Variants in MACROD2 observed in about 807,000 individuals in gnomAD.
MACROD2 encodes mono-ADP ribosylhydrolase 2, also known as ADP-ribose glycohydrolase MACROD2.
Under a neutral mutation model 70.4 loss-of-function variants are expected in MACROD2, and 36 were observed. The ratio of observed to expected loss-of-function variants is 0.51; its 90% CI spans 0.39 to 0.68. The LOEUF (loss-of-function observed/expected upper bound fraction) is 0.68, where lower values mean the gene tolerates loss of function less well. MACROD2 is among the 30% of genes least tolerant of loss of function. MACROD2 has a pLI of 0.00. For synonymous variants in MACROD2, 172 were observed against 178.8 expected (o/e 0.96, Z 0.30); for missense variants, 496 against 538.4 (o/e 0.92, Z 0.78).
At chr20:14,953,443 A>G (rs2074491496) in intron 5 of MACROD2, among the ~76,000 whole-genome samples, 1 of 151,968 alleles carries the variant, frequency 6.6e-6, no homozygotes, top group South Asian at 2.1e-4. Context: ...AGTAGCTGGG[A>G]CTACAGGCGC....
chr20:15,074,669 C>T (rs1184199730), intron 5 of MACROD2, among the ~76,000 whole-genome samples: 1 of 152,152 alleles, frequency 6.6e-6, no homozygotes, highest in African/African-American at 2.4e-5. Flanking sequence ...TTAGAGGACA[C>T]ATAGCTGGTA....
intron 4 of MACROD2, among the ~76,000 whole-genome samples, chr20:14,642,390 G>GC (rs1363336076): frequency 1.3e-5 from 2 of 152,152 alleles, no homozygotes; most frequent in Non-Finnish European, 2.9e-5. Context: ...CACTGGAGTA[G>GC]CACTTATAAT....
At chr20:15,066,711 C>A (rs2075578409) in intron 5 of MACROD2, among the ~76,000 whole-genome samples, 1 of 151,766 alleles carries the variant, frequency 6.6e-6, no homozygotes, top group Admixed American at 6.6e-5. Context: ...GAAACCCCAT[C>A]TCTACTAAAA....
intron 5 of MACROD2, among the ~76,000 whole-genome samples, chr20:14,924,882 G>A (rs890462686): frequency 1.3e-5 from 2 of 152,014 alleles, no homozygotes; most frequent in Non-Finnish European, 2.9e-5. Context: ...GAAAGGGAAG[G>A]TACAAATCTA....
At chr20:15,281,040 G>A (rs1568689496) in intron 6 of MACROD2, among the ~76,000 whole-genome samples, 1 of 152,356 alleles carries the variant, frequency 6.6e-6, no homozygotes, top group South Asian at 2.1e-4. Flanking sequence ...AGGGTGGCAG[G>A]ACAGAGTGAG....
At chr20:14,947,495 G>C (rs2074442096) in intron 5 of MACROD2, among the ~76,000 whole-genome samples, 1 of 152,166 alleles carries the variant, frequency 6.6e-6, no homozygotes, top group Admixed American at 6.5e-5. Context: ...TTAGCAAGAT[G>C]ATTGGTTCAT....
intron 8 of MACROD2, among the ~76,000 whole-genome samples, chr20:15,724,484 G>T (rs201467169): frequency 1.3e-5 from 2 of 148,638 alleles, no homozygotes; most frequent in African/African-American, 2.5e-5. Flanking sequence ...CATTTTTTTT[G>T]TTTTTTTGTT....
intron 3 of MACROD2, among the ~76,000 whole-genome samples, chr20:14,384,651 G>A (rs936043756): frequency 2.6e-5 from 4 of 152,148 alleles, no homozygotes; most frequent in East Asian, 1.9e-4. Context: ...TACTAAACAA[G>A]CAAATGCGTT....
chr20:16,040,024 G>C (rs990566883), intron 15 of MACROD2, among the ~76,000 whole-genome samples: 2 of 151,734 alleles, frequency 1.3e-5, no homozygotes, highest in African/African-American at 4.8e-5. Flanking sequence ...CCCAGTGCTA[G>C]ATGCAAAACT....
chr20:15,454,453 A>ACC (rs1555822889), intron 7 of MACROD2, among the ~76,000 whole-genome samples: 1 of 131,692 alleles, frequency 7.6e-6, no homozygotes, highest in Non-Finnish European at 1.7e-5. Context: ...ACACACACAC[A>ACC]CCCTTATTAT....
intron 5 of MACROD2, among the ~76,000 whole-genome samples, chr20:14,820,357 C>CTTTTTTTTTT (rs11475238): frequency 4.4e-4 from 51 of 116,096 alleles, no homozygotes; most frequent in East Asian, 9.9e-4. Context: ...ATTTTTCTTC[C>CTTTTTTTTTT]TTTTTTTTTT....
At chr20:15,823,156 G>A (rs191499917) in intron 8 of MACROD2, among the ~76,000 whole-genome samples, 1 of 152,272 alleles carries the variant, frequency 6.6e-6, no homozygotes, top group East Asian at 1.9e-4. Flanking sequence ...TATTGCTAAT[G>A]ACAAAGCAAA....
intron 2 of MACROD2, among the ~76,000 whole-genome samples, chr20:14,069,941 G>A (rs554722087): frequency 3.9e-5 from 6 of 151,934 alleles, no homozygotes; most frequent in Non-Finnish European, 8.8e-5. Flanking sequence ...GAGAAGCCAC[G>A]TGAAGCAGAG....
chr20:15,533,068 G>A (rs2047826204), intron 8 of MACROD2, among the ~76,000 whole-genome samples: 1 of 152,086 alleles, frequency 6.6e-6, no homozygotes, highest in Non-Finnish European at 1.5e-5. Flanking sequence ...AATGGATTTA[G>A]TTTTCATCTT....
intron 7 of MACROD2, among the ~76,000 whole-genome samples, chr20:15,457,926 G>A (rs1158952705): frequency 6.8e-6 from 1 of 146,932 alleles, no homozygotes; most frequent in African/African-American, 2.5e-5. Context: ...ACCTAACAGG[G>A]TTGTTCTTTC....
chr20:15,134,865 A>G (rs562239263), intron 5 of MACROD2, among the ~76,000 whole-genome samples: 86 of 152,256 alleles, frequency 5.6e-4, no homozygotes, highest in African/African-American at 1.8e-3. Context: ...GACACAATAA[A>G]AAATGATAAA....
intron 3 of MACROD2, among the ~76,000 whole-genome samples, chr20:14,144,551 A>G (rs1411374803): frequency 6.6e-6 from 1 of 152,228 alleles, no homozygotes; most frequent in Non-Finnish European, 1.5e-5. Flanking sequence ...TATTGGCCAT[A>G]GGAAGGTATG....
At chr20:15,289,250 T>A (rs1023809227) in intron 6 of MACROD2, among the ~76,000 whole-genome samples, 1 of 152,236 alleles carries the variant, frequency 6.6e-6, no homozygotes, top group Middle Eastern at 3.2e-3. Context: ...AACTAACTTT[T>A]AAAAATTATT....
intron 3 of MACROD2, among the ~76,000 whole-genome samples, chr20:14,111,347 C>T (rs2148685411): frequency 6.6e-6 from 1 of 152,028 alleles, no homozygotes; most frequent in Non-Finnish European, 1.5e-5. Flanking sequence ...GCAACCAAAG[C>T]AAACATGGAC....
Sources: allele counts gnomAD v4.1 joint callset (sites outside exome capture counted in the v4.1 genomes callset), GRCh38; gene constraint gnomAD v4.1.1; transcripts MANE v1.5; gene names NCBI Gene and HGNC (gene_info 2026-07-23, HGNC 2026-07-21).